The following PDGFD variants were observed in gnomAD, a reference collection of about 807,000 sequenced individuals.
PDGFD encodes platelet-derived growth factor D.
PDGFD carries 30 observed loss-of-function variants against 44.7 expected under a neutral mutation model. The ratio of observed to expected loss-of-function variants is 0.67; its 90% CI spans 0.50 to 0.91. The LOEUF is 0.91. Among genes scored for constraint, PDGFD ranks in the 40% least tolerant of loss-of-function variants. PDGFD has a pLI of 0.00. For missense variants in PDGFD, 445 were observed against 457.8 expected (o/e 0.97, Z 0.25); for synonymous variants, 173 against 168.4 (o/e 1.03, Z -0.21).
intron 1 of PDGFD, among the ~76,000 whole-genome samples, chr11:104,102,131 A>T (rs1330611967): frequency 6.6e-6 from 1 of 152,158 alleles, no homozygotes; most frequent in African/African-American, 2.4e-5. Flanking sequence ...ACCATAAGAG[A>T]GAACAGGCAA....
At chr11:104,021,588 T>G (rs1340526195) in intron 1 of PDGFD, among the ~76,000 whole-genome samples, 1 of 152,194 alleles carries the variant, frequency 6.6e-6, no homozygotes. Context: ...ATTGGGTAGC[T>G]TGTTATGCCA....
chr11:104,029,839 T>C (rs1029283677), intron 1 of PDGFD, among the ~76,000 whole-genome samples: 1 of 152,214 alleles, frequency 6.6e-6, no homozygotes, highest in African/African-American at 2.4e-5. Context: ...TTTGAGAATT[T>C]TTATTGTATG....
chr11:104,006,213 A>AG (rs377681576), intron 1 of PDGFD, among the ~76,000 whole-genome samples: 16 of 152,218 alleles, frequency 1.1e-4, no homozygotes, highest in African/African-American at 3.9e-4. Context: ...GTAAATTCTC[A>AG]GGTCCTACTC....
At chr11:104,076,381 C>G (rs1263028050) in intron 1 of PDGFD, among the ~76,000 whole-genome samples, 2 of 152,136 alleles carry the variant, frequency 1.3e-5, no homozygotes, top group Non-Finnish European at 2.9e-5. Context: ...GACCATATCA[C>G]TCTTTAGTTT....
At chr11:104,036,856 C>A (rs1320650423) in intron 1 of PDGFD, 2 of 1,613,994 alleles carry the variant, frequency 1.2e-6, no homozygotes, top group East Asian at 2.2e-5. Flanking sequence ...GCGGAGGGAC[C>A]TCTCCGAGGT....
intron 1 of PDGFD, among the ~76,000 whole-genome samples, chr11:104,121,958 T>C (rs531608354): frequency 7.2e-5 from 11 of 152,166 alleles, no homozygotes; most frequent in African/African-American, 2.6e-4. Context: ...ACACATCTGA[T>C]GATAATATAG....
At chr11:104,006,703 C>T (rs145881482) in intron 1 of PDGFD, among the ~76,000 whole-genome samples, 13 of 152,304 alleles carry the variant, frequency 8.5e-5, no homozygotes, top group Non-Finnish European at 1.5e-4. Flanking sequence ...AGAGAAGGAG[C>T]ATCTGAATAT....
chr11:104,038,051 C>T lies in PDGFD; in HGVS notation c.125-37796G>A, dbSNP rs201198238. 8.4e-6 allele frequency: 13 copies of T among 1,556,630 alleles called. No individual in the cohort carries two copies. In the East Asian group the frequency reaches 2.7e-4, roughly 33 times the overall value. Reference sequence around the variant, plus strand: ...ATATGTTACCACCTTGAGGGAGCCTCAGGTCCCCGGCAATTATAAGTTAAG... The same window carrying T: ...ATATGTTACCACCTTGAGGGAGCCTTAGGTCCCCGGCAATTATAAGTTAAG... On this transcript the variant is annotated intron_variant, in intron 1 of 6. Coordinates refer to ENST00000393158, the MANE Select transcript of PDGFD (RefSeq NM_025208.5).
intron 6 of PDGFD, among the ~76,000 whole-genome samples, chr11:103,924,125 T>G (rs183201872): frequency 6.6e-4 from 100 of 152,314 alleles, no homozygotes; most frequent in Non-Finnish European, 1.2e-3. Context: ...TTTGGGGGTC[T>G]ATGGTTCACT....
chr11:104,121,404 CAGACATTT>C (rs1861776753), intron 1 of PDGFD, among the ~76,000 whole-genome samples: 1 of 151,996 alleles, frequency 6.6e-6, no homozygotes, highest in Non-Finnish European at 1.5e-5. Flanking sequence ...TCCAGAATTA[CAGACATTT>C]AGAACTAGAA....
intron 1 of PDGFD, among the ~76,000 whole-genome samples, chr11:104,054,720 AG>A (rs1860595276): frequency 6.6e-6 from 1 of 152,212 alleles, no homozygotes; most frequent in Non-Finnish European, 1.5e-5. Flanking sequence ...GGGGAATAGA[AG>A]GGTAAAGGGA....
intron 1 of PDGFD, among the ~76,000 whole-genome samples, chr11:104,079,705 T>C (rs921338848): frequency 5.3e-5 from 8 of 152,170 alleles, no homozygotes; most frequent in Non-Finnish European, 8.8e-5. Flanking sequence ...TTTCAATCTC[T>C]ATTGGCAATG....
intron 3 of PDGFD, among the ~76,000 whole-genome samples, chr11:103,980,831 A>G (rs1025729233): frequency 3.9e-5 from 6 of 151,992 alleles, no homozygotes; most frequent in African/African-American, 1.4e-4. Flanking sequence ...AGAATTTGGC[A>G]ATCTACAACC....
At position 103,908,704 on chromosome 11, in the gene PDGFD, G is replaced by A. The variant is rs183657199; in HGVS notation, c.*990C>T. On this transcript the variant is annotated 3_prime_UTR_variant, in exon 7 of 7. Coordinates refer to ENST00000393158, the MANE Select transcript of PDGFD (RefSeq NM_025208.5). ...AGAGTTCGAATCCATTATTAGATATGGATCCTATCAAATATCCCACCTAAT... is the reference window on the plus strand; with the variant it reads ...AGAGTTCGAATCCATTATTAGATATAGATCCTATCAAATATCCCACCTAAT... 5.9e-5 allele frequency: 9 copies of A among 152,196 alleles called. No homozygotes were observed. Among genetic ancestry groups the A allele is most frequent in the Non-Finnish European group, 1.0e-4 (7 of 68,000 alleles). The allele number at this position is 152,196 out of a possible 1,614,324, so 9.4% of individuals were successfully genotyped here.
intron 1 of PDGFD, among the ~76,000 whole-genome samples, chr11:104,087,021 CTT>C (rs528848924): frequency 1.9e-5 from 2 of 103,206 alleles, no homozygotes; most frequent in Admixed American, 1.3e-4. Flanking sequence ...GGCTCTTAGT[CTT>C]TTTTTTTTTT....
At chr11:104,077,250 G>A (rs796332722) in intron 1 of PDGFD, among the ~76,000 whole-genome samples, 3 of 152,254 alleles carry the variant, frequency 2.0e-5, no homozygotes, top group African/African-American at 7.2e-5. Flanking sequence ...CTCTGTAGAC[G>A]ACATGACTGG....
intron 1 of PDGFD, among the ~76,000 whole-genome samples, chr11:104,059,514 G>A (rs1301522327): frequency 6.6e-6 from 1 of 152,034 alleles, no homozygotes; most frequent in African/African-American, 2.4e-5. Context: ...GCACTAGATT[G>A]TTACAGTATT....
intron 6 of PDGFD, among the ~76,000 whole-genome samples, chr11:103,918,893 G>A (rs568888708): frequency 2.0e-5 from 3 of 152,230 alleles, no homozygotes; most frequent in South Asian, 2.1e-4. Context: ...GCAAACTGGC[G>A]GTTATAGGTT....
chr11:104,015,365 C>T lies in PDGFD; in HGVS notation c.125-15110G>A, dbSNP rs1859845160. On this transcript the variant is annotated intron_variant, in intron 1 of 6. Coordinates refer to ENST00000393158, the MANE Select transcript of PDGFD (RefSeq NM_025208.5). ...AAAAGAAATGCAGATTTTGTTTATT[C>T]TCAAGGGGTCTCAGGTGTGAACGAA... Among the ~76,000 whole-genome samples the T allele has an allele frequency of 2.0e-5, 3 of 152,218 alleles. No individual in the cohort carries two copies. In the South Asian group the frequency reaches 6.2e-4, roughly 32 times the overall value.
Sources: allele counts gnomAD v4.1 joint callset (sites outside exome capture counted in the v4.1 genomes callset), GRCh38; gene constraint gnomAD v4.1.1; transcripts MANE v1.5; gene names NCBI Gene and HGNC (gene_info 2026-07-23, HGNC 2026-07-21).